KCNJ8: variants seen among roughly 807,000 people sequenced by gnomAD.
KCNJ8 encodes the protein ATP-sensitive inward rectifier potassium channel 8.
KCNJ8 carries 13 observed loss-of-function variants against 28.2 expected under a neutral mutation model. The observed-to-expected ratio is 0.46, with a 90% CI of 0.30 to 0.73. KCNJ8 has a LOEUF of 0.73. Among genes scored for constraint, KCNJ8 ranks in the 30% least tolerant of loss-of-function variants. KCNJ8 has a pLI of 0.07. For missense variants in KCNJ8, 284 were observed against 542.6 expected, an observed-to-expected ratio of 0.52 and a Z score of 4.73; for synonymous variants, 188 against 195.9, an observed-to-expected ratio of 0.96 and a Z score of 0.34.
At position 21,766,875 on chromosome 12, in the gene KCNJ8, A is replaced by G. The variant is rs1438506971; in HGVS notation, c.375-252T>C. 1.3e-5 allele frequency among the ~76,000 whole-genome samples: 2 copies of G among 152,218 alleles called. No individual in the cohort carries two copies. The highest frequency in any genetic ancestry group is 3.9e-4 in the East Asian group (2 of 5,194). Reference sequence around the variant, plus strand: ...TTAAGTTCCCTTAAGCTAAGGCCTAATTCTATTAACATTCTATTAATGTTT... The same window carrying G: ...TTAAGTTCCCTTAAGCTAAGGCCTAGTTCTATTAACATTCTATTAATGTTT... On this transcript the variant is annotated intron_variant, in intron 2 of 2. Transcript: ENST00000240662. The surrounding 1 kb of genome is among the most constrained non-coding windows in gnomAD (Gnocchi z 6.5).
At position 21,773,523 on chromosome 12, in the gene KCNJ8, G is replaced by A. The variant is rs2137052056; in HGVS notation, c.94C>T (p.Pro32Ser). 8 of 1,614,254 alleles carry A rather than the reference G, an allele frequency of 5.0e-6. No homozygotes were observed. The highest frequency in any genetic ancestry group is 6.8e-6 in the Non-Finnish European group (8 of 1,180,054). The change falls in exon 2 of 3, where the codon CCC (proline) becomes TCC (serine). Residue 32 changes from proline (P) to serine (S), a missense_variant. Coordinates refer to ENST00000240662, the MANE Select transcript of KCNJ8 (RefSeq NM_004982.4). This position sits in a 1 kb window ranked among gnomAD's most constrained non-coding sequence, Gnocchi z 4.6. ...CTCTTGGCGATGAAGCGGGCTTTGG[G>A]GAGGCGGTCTCGGATGCGCGGCTTG... ...LRKPRIRDRL[P>S]KARFIAKSGA...
chr12:21,766,364 C>T lies in KCNJ8; in HGVS notation c.634G>A (p.Val212Met). The change falls in exon 3 of 3, where the codon GTG (valine) becomes ATG (methionine). Residue 212 changes from valine to methionine, a missense_variant. By Grantham distance (21) the Val-to-Met change is conservative. Transcript: ENST00000240662. This position sits in a 1 kb window ranked among gnomAD's most constrained non-coding sequence, Gnocchi z 6.5. Reference protein sequence around the residue: ...RNGKLCFMFRVGDLRKSMIIS... With the variant: ...RNGKLCFMFRMGDLRKSMIIS... ...ATCATGCTTTTCCTCAGGTCACCCA[C>T]TCGGAACATGAAGCACAGCTTGCCA... 6.2e-7 allele frequency: 1 copy of T among 1,614,178 alleles called. No homozygotes were observed. Among genetic ancestry groups the T allele is most frequent in the Non-Finnish European group, 8.5e-7 (1 of 1,180,036 alleles).
intron 2 of KCNJ8, among the ~76,000 whole-genome samples, chr12:21,772,618 T>C (rs888549112): frequency 5.9e-5 from 9 of 152,242 alleles, no homozygotes; most frequent in African/African-American, 2.2e-4. Flanking sequence ...CTAATTGTCA[T>C]TAAAAATTAG....
chr12:21,769,514 C>G (rs1055659073), intron 2 of KCNJ8, among the ~76,000 whole-genome samples: 7 of 152,158 alleles, frequency 4.6e-5, no homozygotes, highest in African/African-American at 1.7e-4. Flanking sequence ...ACTTTTAAGG[C>G]CTATTACTTA....
intron 2 of KCNJ8, among the ~76,000 whole-genome samples, chr12:21,767,900 C>T (rs139526737): frequency 3.1e-4 from 47 of 152,250 alleles, no homozygotes; most frequent in African/African-American, 1.0e-3. Flanking sequence ...GTAATTCTCA[C>T]AAAATTTCAA....
At chr12:21,770,534 G>A (rs1188261244) in intron 2 of KCNJ8, among the ~76,000 whole-genome samples, 1 of 143,674 alleles carries the variant, frequency 7.0e-6, no homozygotes, top group African/African-American at 3.0e-5. Context: ...AGAAGCAGAG[G>A]GAAGGAACCA....
Position 21,773,834 on chromosome 12 carries a change from C to T in KCNJ8, c.-70-148G>A. The T allele has an allele frequency of 3.2e-6, 2 of 618,476 alleles. No homozygotes were observed. Among genetic ancestry groups the T allele is most frequent in the South Asian group, 3.9e-5 (2 of 50,636 alleles). 38.3% of individuals were successfully genotyped at this position (618,476 alleles called of 1,614,324 possible). On this transcript the variant is annotated intron_variant, in intron 1 of 2. Coordinates refer to ENST00000240662, the MANE Select transcript of KCNJ8 (RefSeq NM_004982.4). The surrounding 1 kb of genome is among the most constrained non-coding windows in gnomAD (Gnocchi z 4.6). The stretch of plus-strand genomic sequence containing the variant: ...TTTACTAACCCAAACATGAATCTAG[C>T]TTGTGCTTGAGTTCTGGGATCTCAG...
chr12:21,766,789 C>A lies in KCNJ8; in HGVS notation c.375-166G>T, dbSNP rs1940633032. ...GCCTAATTCTAAACTGTGTTTAGAA[C>A]AGTCTCTCTCTCTCTTGCATGCATC... On this transcript the variant is annotated intron_variant, in intron 2 of 2. Transcript: ENST00000240662. The surrounding 1 kb of genome is among the most constrained non-coding windows in gnomAD (Gnocchi z 6.5). 1 of 654,238 alleles carries A rather than the reference C, an allele frequency of 1.5e-6. No individual in the cohort carries two copies. Among genetic ancestry groups the A allele is most frequent in the Non-Finnish European group, 2.7e-6 (1 of 367,526 alleles). 40.5% of individuals were successfully genotyped at this position (654,238 alleles called of 1,614,324 possible).
In KCNJ8 at chr12:21,766,336, A is replaced by G. The variant is rs751044561; in HGVS notation, c.662T>C (p.Ile221Thr). Reference sequence around the variant, plus strand: ...CACCTGGATGCGCACAGAGGCACTAATGATCATGCTTTTCCTCAGGTCACC... The same window carrying G: ...CACCTGGATGCGCACAGAGGCACTAGTGATCATGCTTTTCCTCAGGTCACC... ...RVGDLRKSMI[I>T]SASVRIQVVK... The change falls in exon 3 of 3, where the codon ATT becomes ACT. Residue 221 changes from isoleucine to threonine, a missense_variant. Ile to Thr is a moderately conservative substitution (Grantham distance 89, BLOSUM62 -1). Around this residue, in one of 8 missense-constraint regions of KCNJ8, gnomAD observed 107 missense variants for 235.6 expected, o/e 0.45. Transcript: ENST00000240662. The surrounding 1 kb of genome is among the most constrained non-coding windows in gnomAD (Gnocchi z 6.5). 1 of 1,614,172 alleles carries G rather than the reference A, an allele frequency of 6.2e-7. No individual in the cohort carries two copies. The highest frequency in any genetic ancestry group is 1.1e-5 in the South Asian group (1 of 91,084).
chr12:21,773,291 C>T lies in KCNJ8; in HGVS notation c.326G>A (p.Gly109Glu), dbSNP rs1565661972. ...GGACTCCAAACCACTTTTCTCCATTCCACTTTTCTCCATGTAAGCATAGAT... is the reference window on the plus strand; with the variant it reads ...GGACTCCAAACCACTTTTCTCCATTTCACTTTTCTCCATGTAAGCATAGAT... ...GDIYAYMEKSGMEKSGLESTV... is the reference protein window; with the variant it reads ...GDIYAYMEKSEMEKSGLESTV... The change falls in exon 2 of 3, where the codon GGA becomes GAA. Residue 109 changes from glycine (G) to glutamate (E), a missense_variant. This residue lies in a region of KCNJ8 where 42 missense variants were observed against 50.9 expected (regional missense o/e 0.83). Transcript: ENST00000240662. This position sits in a 1 kb window ranked among gnomAD's most constrained non-coding sequence, Gnocchi z 4.6. 1 of 1,614,062 alleles carries T rather than the reference C, an allele frequency of 6.2e-7. No individual in the cohort carries two copies.
Position 21,766,078 on chromosome 12 carries a change from G to A in KCNJ8, c.920C>T (p.Thr307Ile). 1 of 1,614,208 alleles carries A rather than the reference G, an allele frequency of 6.2e-7. No homozygotes were observed. Among genetic ancestry groups the A allele is most frequent in the Non-Finnish European group, 8.5e-7 (1 of 1,180,036 alleles). Residue 307 changes from threonine to isoleucine, a missense_variant, in exon 3 of 3, where the codon ACA (threonine) becomes ATA (isoleucine). By Grantham distance (89) the Thr-to-Ile change is moderately conservative. This residue lies in a region of KCNJ8 where 107 missense variants were observed against 235.6 expected (regional missense o/e 0.45). Coordinates refer to ENST00000240662, the MANE Select transcript of KCNJ8 (RefSeq NM_004982.4). The surrounding 1 kb of genome is among the most constrained non-coding windows in gnomAD (Gnocchi z 6.5). The part of the protein sequence containing the change: ...EGVVETTGIT[T>I]QARTSYIAEE... ...AGCAATGTAGGAGGTTCGTGCTTGT[G>A]TGGTGATGCCAGTAGTTTCAACCAC...
chr12:21,771,462 CAAAG>C (rs1940753670), intron 2 of KCNJ8, among the ~76,000 whole-genome samples: 1 of 152,030 alleles, frequency 6.6e-6, no homozygotes, highest in Admixed American at 6.6e-5. Context: ...TAAATGGAGT[CAAAG>C]AGACTCCTTG....
At position 21,765,800 on chromosome 12, in the gene KCNJ8, T is replaced by G; in HGVS notation, c.1198A>C (p.Arg400=). The G allele has an allele frequency of 6.2e-7, 1 of 1,614,084 alleles. No homozygotes were observed. Among genetic ancestry groups the G allele is most frequent in the Non-Finnish European group, 8.5e-7 (1 of 1,179,896 alleles). Residue 400 remains arginine, a synonymous_variant, in exon 3 of 3, where the codon AGG becomes CGG. Transcript: ENST00000240662. ...GGTACCATGAGGGAAGAATTGTTCC[T>G]TCGGATAGAATTGTTCCTCCTCATG... ...NSMRRNNSIR[R]NNSSLMVPKV... is the part of the protein sequence containing the mutation.
chr12:21,765,463 C>A lies in KCNJ8; in HGVS notation c.*260G>T, dbSNP rs1026409913. Reference sequence around the variant, plus strand: ...TTCTTGTGTTTCAAATTGAGAGAAACGAGCATACCCACCCCTGCACATAAC... The same window carrying A: ...TTCTTGTGTTTCAAATTGAGAGAAAAGAGCATACCCACCCCTGCACATAAC... On this transcript the variant is annotated 3_prime_UTR_variant, in exon 3 of 3. Coordinates refer to ENST00000240662, the MANE Select transcript of KCNJ8 (RefSeq NM_004982.4). 2.6e-5 allele frequency: 13 copies of A among 508,500 alleles called. No homozygotes were observed. The highest frequency in any genetic ancestry group is 4.3e-5 in the Non-Finnish European group (12 of 280,808). The allele number at this position is 508,500 out of a possible 1,614,324, so 31.5% of individuals were successfully genotyped here.
At chr12:21,770,649 A>G (rs916727972) in intron 2 of KCNJ8, among the ~76,000 whole-genome samples, 1 of 152,232 alleles carries the variant, frequency 6.6e-6, no homozygotes, top group Non-Finnish European at 1.5e-5. Flanking sequence ...TCTGGGTAAG[A>G]TGCTTTTGAA....
Position 21,766,410 on chromosome 12 carries a change from A to C in KCNJ8, c.588T>G (p.His196Gln). Residue 196 changes from histidine to glutamine, a missense_variant, in exon 3 of 3, where the codon CAT becomes CAG. This residue lies in a region of KCNJ8 where 107 missense variants were observed against 235.6 expected (regional missense o/e 0.45). Coordinates refer to ENST00000240662, the MANE Select transcript of KCNJ8 (RefSeq NM_004982.4). This position sits in a 1 kb window ranked among gnomAD's most constrained non-coding sequence, Gnocchi z 6.5. ...RRAETLIFSR[H>Q]AVIAVRNGKL... ...TGCCATTTCGGACGGCAATCACAGC[A>C]TGGCGGCTGAAAATCAAAGTTTCTG... 1 of 1,614,200 alleles carries C rather than the reference A, an allele frequency of 6.2e-7. No homozygotes were observed. The highest frequency in any genetic ancestry group is 8.5e-7 in the Non-Finnish European group (1 of 1,180,042).
intron 2 of KCNJ8, among the ~76,000 whole-genome samples, chr12:21,769,777 T>C (rs1345970162): frequency 5.3e-5 from 8 of 152,300 alleles, no homozygotes; most frequent in South Asian, 2.1e-4. Context: ...GTGGTAGAAA[T>C]AGCAAGAGAA....
chr12:21,766,305 C>T lies in KCNJ8; in HGVS notation c.693G>A (p.Lys231=), dbSNP rs1940620291. The change falls in exon 3 of 3, where the codon AAG becomes AAA. Residue 231 remains lysine, a synonymous_variant. Transcript: ENST00000240662. This position sits in a 1 kb window ranked among gnomAD's most constrained non-coding sequence, Gnocchi z 6.5. ...ISASVRIQVV[K]KTTTPEGEVV... is the part of the protein sequence containing the mutation. ...CCTCCCCTTCAGGTGTAGTTGTTTTCTTGACCACCTGGATGCGCACAGAGG... is the reference window on the plus strand; with the variant it reads ...CCTCCCCTTCAGGTGTAGTTGTTTTTTTGACCACCTGGATGCGCACAGAGG... 2.5e-6 allele frequency: 4 copies of T among 1,614,206 alleles called. No homozygotes were observed. The highest frequency in any genetic ancestry group is 2.5e-6 in the Non-Finnish European group (3 of 1,180,042).
chr12:21,766,675 T>C lies in KCNJ8; in HGVS notation c.375-52A>G, dbSNP rs1447395088. The stretch of plus-strand genomic sequence containing the variant: ...CACCATCAGGTCACATTTTGAATAA[T>C]GAAATATGCCAAGCTGAGCTTTTCA... On this transcript the variant is annotated intron_variant, in intron 2 of 2. Transcript: ENST00000240662. This position sits in a 1 kb window ranked among gnomAD's most constrained non-coding sequence, Gnocchi z 6.5. 1 of 1,399,180 alleles carries C rather than the reference T, an allele frequency of 7.1e-7. No homozygotes were observed. The allele number at this position is 1,399,180 out of a possible 1,614,324, so 86.7% of individuals were successfully genotyped here. A position where few individuals can be genotyped will look rare whatever the true frequency, so the allele number is the denominator to read the frequency against.
Sources: allele counts gnomAD v4.1 joint callset (sites outside exome capture counted in the v4.1 genomes callset), GRCh38; gene constraint gnomAD v4.1.1; regional missense constraint gnomAD v4.1.1; non-coding constraint Gnocchi (gnomAD v3.1); transcripts MANE v1.5; gene names NCBI Gene and HGNC (gene_info 2026-07-23, HGNC 2026-07-21).